BRWD3: variants seen among roughly 807,000 people sequenced by gnomAD.
The protein encoded by BRWD3 is bromodomain and WD repeat domain containing 3, also known as bromodomain and WD repeat-containing protein 3.
A neutral mutation model predicts 149.7 loss-of-function variants in BRWD3; 10 were observed. That is an observed-to-expected ratio of 0.07 (90% confidence interval 0.04 to 0.11). BRWD3 has a LOEUF of 0.11. Among genes scored for constraint, BRWD3 ranks in the 10% least tolerant of loss-of-function variants. BRWD3 has a pLI of 1.00. For synonymous variants in BRWD3, 504 were observed against 456.7 expected (o/e 1.10, Z -1.32); for missense variants, 940 against 1,373.2 (o/e 0.68, Z 4.99).
At chrX:80,751,246 A>G (rs931482609) in intron 6 of BRWD3, among the ~76,000 whole-genome samples, 1 of 111,890 alleles carries the variant, frequency 8.9e-6, no homozygotes, top group African/African-American at 3.3e-5. Flanking sequence ...AAAAGAATAG[A>G]TTTGTAATGT....
intron 8 of BRWD3, 75 bp from the exon 9 acceptor site, chrX:80,736,163 A>C (rs1293288478): frequency 1.6e-6 from 1 of 638,006 alleles, no homozygotes; most frequent in Non-Finnish European, 2.4e-6. Context: ...AGTATTTTCA[A>C]ATTGTAATCA....
At chrX:80,735,786 A>G (rs2073394851) in intron 9 of BRWD3, among the ~76,000 whole-genome samples, 1 of 103,157 alleles carries the variant, frequency 9.7e-6, no homozygotes, top group African/African-American at 3.6e-5. Flanking sequence ...CCTGGGCAAC[A>G]GAGCGAGACT....
In BRWD3 at chrX:80,809,286, G is replaced by A. The variant is rs201512337; in HGVS notation, c.50C>T (p.Ala17Val). The A allele has an allele frequency of 1.7e-6, 2 of 1,195,209 alleles. No individual in the cohort carries two copies. The highest frequency in any genetic ancestry group is 3.0e-5 in the East Asian group (1 of 33,523). ...QIEAELYYLI[A>V]RFLQSGPCNK... is the part of the protein sequence containing the mutation. ...GCAGGGTCCAGACTGCAAGAACCTA[G>A]CGATCAGGTAATACAGCTCTGGGGA... Residue 17 changes from alanine (A) to valine (V), a missense_variant, in exon 2 of 41, where the codon GCT becomes GTT. By Grantham distance (64) the Ala-to-Val change is moderately conservative (BLOSUM62 0). Transcript: ENST00000373275.
intron 6 of BRWD3, among the ~76,000 whole-genome samples, chrX:80,750,829 C>T (rs1037568529): frequency 2.9e-5 from 3 of 101,984 alleles, no homozygotes; most frequent in Non-Finnish European, 5.9e-5. Flanking sequence ...TCTAAGTGTC[C>T]ATCAGATGAA....
chrX:80,771,821 A>G (rs1220297542), intron 6 of BRWD3, among the ~76,000 whole-genome samples: 1 of 112,084 alleles, frequency 8.9e-6, no homozygotes, highest in Non-Finnish European at 1.9e-5. Flanking sequence ...ATGAACAGAC[A>G]CTTCTCAAAA....
At chrX:80,771,767 A>G (rs1309147563) in intron 6 of BRWD3, among the ~76,000 whole-genome samples, 2 of 112,104 alleles carry the variant, frequency 1.8e-5, no homozygotes, top group African/African-American at 3.2e-5. Context: ...AAACAAATTT[A>G]CAAGAGAAAA....
At chrX:80,773,644 C>G (rs963551879) in intron 6 of BRWD3, among the ~76,000 whole-genome samples, 1 of 111,870 alleles carries the variant, frequency 8.9e-6, no homozygotes, top group Non-Finnish European at 1.9e-5. Flanking sequence ...TCCTACTCTT[C>G]CAGGGCATAA....
chrX:80,672,136 A>G lies in BRWD3; in HGVS notation c.*4473T>C, dbSNP rs767024917. The G allele has an allele frequency of 9.1e-6, 1 of 110,278 alleles. No individual in the cohort carries two copies. The highest frequency in any genetic ancestry group is 1.9e-5 in the Non-Finnish European group (1 of 52,892). 9.1% of individuals were successfully genotyped at this position (110,278 alleles called of 1,213,427 possible). A position where few individuals can be genotyped will look rare whatever the true frequency, so the allele number is the denominator to read the frequency against. The stretch of plus-strand genomic sequence containing the variant: ...ATTTAGAAGAAATGGGCATACATGT[A>G]AATAAACAAACACAACTTAATTCTA... On this transcript the variant is annotated 3_prime_UTR_variant, in exon 41 of 41. Transcript: ENST00000373275.
chrX:80,728,823 T>C lies in BRWD3; in HGVS notation c.1315A>G (p.Ile439Val), dbSNP rs780700400. 2 of 1,204,224 alleles carry C rather than the reference T, an allele frequency of 1.7e-6. No homozygotes were observed. Among genetic ancestry groups the C allele is most frequent in the Non-Finnish European group, 2.2e-6 (2 of 889,864 alleles). The change falls in exon 14 of 41, where the codon ATT becomes GTT. Residue 439 changes from isoleucine (I) to valine (V), a missense_variant. Transcript: ENST00000373275. ...AAAAGAAAATTGTTCACTGCAGTAA[T>C]AACTGTGGTATCATAGCGATCCCAG... ...VAWDRYDTTV[I>V]TAVNNFLLKV...
intron 18 of BRWD3, among the ~76,000 whole-genome samples, chrX:80,718,732 C>T (rs1310866400): frequency 9.0e-6 from 1 of 111,333 alleles, no homozygotes; most frequent in African/African-American, 3.3e-5. Context: ...TCCATGGAAT[C>T]TAAAATGCAA....
intron 6 of BRWD3, among the ~76,000 whole-genome samples, chrX:80,787,468 C>T (rs1405944671): frequency 9.2e-6 from 1 of 109,207 alleles, no homozygotes; most frequent in Non-Finnish European, 1.9e-5. Context: ...CAGAAAGACT[C>T]ATACATACAT....
chrX:80,797,656 T>C (rs1018970427), intron 4 of BRWD3, among the ~76,000 whole-genome samples: 2 of 112,099 alleles, frequency 1.8e-5, no homozygotes, highest in African/African-American at 6.5e-5. Context: ...ATGAGGTCTA[T>C]ATATTCAGCA....
intron 6 of BRWD3, among the ~76,000 whole-genome samples, chrX:80,775,645 G>A (rs920268369): frequency 9.0e-6 from 1 of 111,558 alleles, no homozygotes; most frequent in Non-Finnish European, 1.9e-5. Context: ...GGATACTTTT[G>A]TGCAAAGAGC....
chrX:80,748,764 C>T (rs758689028), intron 6 of BRWD3, among the ~76,000 whole-genome samples: 1 of 111,518 alleles, frequency 9.0e-6, no homozygotes, highest in South Asian at 3.7e-4. Context: ...CTTATTCCTT[C>T]CTTCTGCTAA....
chrX:80,711,976 T>A (rs1370941366), intron 20 of BRWD3, among the ~76,000 whole-genome samples: 4 of 112,078 alleles, frequency 3.6e-5, no homozygotes. Flanking sequence ...CACTCATGTA[T>A]GGCTCAGAAT....
At position 80,692,096 on chromosome X, in the gene BRWD3, T is replaced by A; in HGVS notation, c.3318A>T (p.Pro1106=). The change falls in exon 29 of 41, where the codon CCA becomes CCT. Residue 1106 remains proline (P), a synonymous_variant. Coordinates refer to ENST00000373275, the MANE Select transcript of BRWD3 (RefSeq NM_153252.5). The stretch of plus-strand genomic sequence containing the variant: ...TTTTAAAAGCATATTTACTTCCTTC[T>A]GGAATTGGCTCCATATCCCATGGGC... ...KMSPWDMEPI[P]EGTAFPDEVG... is the part of the protein sequence containing the mutation. The A allele has an allele frequency of 8.3e-7, 1 of 1,205,403 alleles. No homozygotes were observed. Among genetic ancestry groups the A allele is most frequent in the Non-Finnish European group, 1.1e-6 (1 of 890,449 alleles).
At chrX:80,723,123 TCTTG>T (rs752134496) in intron 16 of BRWD3, among the ~76,000 whole-genome samples, 2 of 111,846 alleles carry the variant, frequency 1.8e-5, no homozygotes, top group African/African-American at 6.5e-5. Flanking sequence ...ATTACATTTT[TCTTG>T]CTTATTTTTA....
intron 14 of BRWD3, among the ~76,000 whole-genome samples, chrX:80,725,810 T>C (rs1380570536): frequency 4.3e-5 from 4 of 93,309 alleles, no homozygotes. Context: ...TTACATGTGT[T>C]ACATGCCTAT....
rs749987503 is a variant in BRWD3 at position 80,740,730 on chromosome X, C to CAACAA, written c.813+3297_813+3301dup. Among the ~76,000 whole-genome samples, 38 of 111,311 alleles carry CAACAA rather than the reference C, an allele frequency of 3.4e-4. No homozygotes were observed. In the South Asian group the frequency reaches 4.9e-3, roughly 14 times the overall value. On this transcript the variant is annotated intron_variant, in intron 8 of 40. Coordinates refer to ENST00000373275, the MANE Select transcript of BRWD3 (RefSeq NM_153252.5). ...CACCACTGCACTCCAGCATGGGTGA[C>CAACAA]AACAAAACAAAACAAAACAAAACAC...
Sources: allele counts gnomAD v4.1 joint callset (sites outside exome capture counted in the v4.1 genomes callset), GRCh38; gene constraint gnomAD v4.1.1; transcripts MANE v1.5; gene names NCBI Gene and HGNC (gene_info 2026-07-23, HGNC 2026-07-21).